The following USP34 variants were observed in gnomAD, a reference collection of about 807,000 sequenced individuals.
USP34 encodes ubiquitin carboxyl-terminal hydrolase 34.
A neutral mutation model predicts 460.3 loss-of-function variants in USP34; 70 were observed. The ratio of observed to expected loss-of-function variants is 0.15; its 90% CI spans 0.13 to 0.19. The LOEUF is 0.19. Ranked by LOEUF, USP34 falls within the 10% of genes least tolerant of loss-of-function variation. The pLI, the probability that USP34 is intolerant of heterozygous loss-of-function variation, is 1.00. For synonymous variants in USP34, 1,647 were observed against 1,405.3 expected, an observed-to-expected ratio of 1.17 and a Z score of -3.85; for missense variants, 3,985 against 4,236.2, an observed-to-expected ratio of 0.94 and a Z score of 1.65.
At chr2:61,294,269 C>G (rs1487416405) in intron 32 of USP34, among the ~76,000 whole-genome samples, 1 of 151,758 alleles carries the variant, frequency 6.6e-6, no homozygotes, top group Non-Finnish European at 1.5e-5. Context: ...TCGCGTGAAC[C>G]TGGGAGGCGG....
At chr2:61,335,471 C>T (rs1442464250) in intron 18 of USP34, among the ~76,000 whole-genome samples, 1 of 152,172 alleles carries the variant, frequency 6.6e-6, no homozygotes, top group East Asian at 1.9e-4. Flanking sequence ...GCTCAATGGC[C>T]AACGCATAAT....
In USP34 at chr2:61,188,163, A is replaced by G; in HGVS notation, c.10580T>C (p.Ile3527Thr). The G allele has an allele frequency of 3.1e-6, 5 of 1,614,078 alleles. No homozygotes were observed. The highest frequency in any genetic ancestry group is 3.4e-6 in the Non-Finnish European group (4 of 1,180,006). Residue 3527 changes from isoleucine (I) to threonine (T), a missense_variant, in exon 80 of 80, where the codon ATT becomes ACT. By Grantham distance (89) the Ile-to-Thr change is moderately conservative. This residue lies in a region of USP34 where 506 missense variants were observed against 439.0 expected (regional missense o/e 1.15). Coordinates refer to ENST00000398571, the MANE Select transcript of USP34 (RefSeq NM_014709.4). The stretch of plus-strand genomic sequence containing the variant: ...TGTGACGACATGGATTGTAGATTCA[A>G]TGGTCCTACACAGGGTATCTAAAAT... ...HDILDTLCRT[I>T]ESTIHVVTRI...
chr2:61,248,171 CT>C (rs1672149557), intron 49 of USP34, among the ~76,000 whole-genome samples: 1 of 128,488 alleles, frequency 7.8e-6, no homozygotes, highest in African/African-American at 3.0e-5. Flanking sequence ...CAAAATAAGA[CT>C]GTCTCAGAAG....
At chr2:61,402,489 A>C (rs184553124) in intron 3 of USP34, among the ~76,000 whole-genome samples, 286 of 152,336 alleles carry the variant, frequency 1.9e-3, no homozygotes, top group African/African-American at 6.6e-3. Flanking sequence ...GTAGTGCAGT[A>C]GAGTAAGACC....
intron 61 of USP34, 77 bp from the exon 62 acceptor site, chr2:61,227,295 T>C: frequency 6.7e-7 from 1 of 1,500,156 alleles, no homozygotes; most frequent in Non-Finnish European, 9.0e-7. Flanking sequence ...TTGTTTTATG[T>C]AACAGTGTAG....
At chr2:61,237,007 ATTTTGAGCTGAT>A (rs1688088685) in intron 53 of USP34, among the ~76,000 whole-genome samples, 1 of 152,126 alleles carries the variant, frequency 6.6e-6, no homozygotes, top group South Asian at 2.1e-4. Context: ...TGGTCGGTTC[ATTTTGAGCTGAT>A]TAAAGTCCCA....
intron 51 of USP34, 90 bp from the exon 52 acceptor site, chr2:61,241,909 T>C (rs1317390824): frequency 1.5e-5 from 10 of 682,092 alleles, no homozygotes; most frequent in African/African-American, 7.7e-5. Flanking sequence ...ACAGCTATTT[T>C]ATACTTAATA....
At chr2:61,246,128 T>C (rs544076541) in intron 50 of USP34, among the ~76,000 whole-genome samples, 196 bp downstream of exon 50, 2 of 152,214 alleles carry the variant, frequency 1.3e-5, no homozygotes, top group Non-Finnish European at 2.9e-5. Context: ...AAGGAAAGGA[T>C]TCAAATTCTC....
chr2:61,303,860 G>A (rs1383742855), intron 27 of USP34, among the ~76,000 whole-genome samples: 1 of 151,820 alleles, frequency 6.6e-6, no homozygotes, highest in East Asian at 1.9e-4. Context: ...CTCCCAAAGT[G>A]CTGGGATTAC....
chr2:61,394,754 C>G, intron 5 of USP34, 99 bp downstream of exon 5: 1 of 944,008 alleles, frequency 1.1e-6, no homozygotes, highest in Non-Finnish European at 1.4e-6. Flanking sequence ...ATTACACATG[C>G]AAATCATTCA....
chr2:61,199,970 C>T (rs1686922794), intron 75 of USP34: 1 of 152,372 alleles, frequency 6.6e-6, no homozygotes. Context: ...ACTACCATAA[C>T]TTTACTAAGT....
chr2:61,465,719 T>G (rs1480935679), intron 1 of USP34, among the ~76,000 whole-genome samples: 1 of 152,136 alleles, frequency 6.6e-6, no homozygotes, highest in African/African-American at 2.4e-5. Context: ...GGCTCACGCC[T>G]GTAATGCCAG....
intron 20 of USP34, among the ~76,000 whole-genome samples, chr2:61,327,800 C>CAAAG (rs1480462273): frequency 6.6e-6 from 1 of 152,108 alleles, no homozygotes; most frequent in Non-Finnish European, 1.5e-5. Flanking sequence ...GGATGTCAGA[C>CAAAG]AAAGATGGTA....
intron 62 of USP34, among the ~76,000 whole-genome samples, chr2:61,226,596 T>A (rs769991885): frequency 2.1e-4 from 32 of 152,220 alleles, no homozygotes; most frequent in Non-Finnish European, 4.1e-4. Context: ...ATACTTCCTT[T>A]TTCAGCTATA....
chr2:61,318,334 T>G (rs757813110), intron 22 of USP34, among the ~76,000 whole-genome samples: 1 of 152,192 alleles, frequency 6.6e-6, no homozygotes, highest in Non-Finnish European at 1.5e-5. Flanking sequence ...ACAACTATCA[T>G]GCATTGTATA....
intron 43 of USP34, among the ~76,000 whole-genome samples, chr2:61,263,789 A>G (rs577613989): frequency 6.6e-6 from 1 of 152,030 alleles, no homozygotes; most frequent in Non-Finnish European, 1.5e-5. Flanking sequence ...ACACGCAGCT[A>G]ATTTTTGTAT....
chr2:61,407,448 C>T (rs972334401), intron 2 of USP34, among the ~76,000 whole-genome samples: 3 of 152,172 alleles, frequency 2.0e-5, no homozygotes, highest in Non-Finnish European at 2.9e-5. Flanking sequence ...TACCAGATGA[C>T]AGCTAAGCAA....
Position 61,454,935 on chromosome 2 carries a change from G to A in USP34, c.43+15715C>T, listed in dbSNP as rs575360624. ...ACTAGTCGCCCAGACTGGATGGAGT[G>A]CAGTGGTGCCATCTTGGCTCACTGC... On this transcript the variant is annotated intron_variant, in intron 1 of 79. Coordinates refer to ENST00000398571, the MANE Select transcript of USP34 (RefSeq NM_014709.4). 4.8e-5 allele frequency among the ~76,000 whole-genome samples: 7 copies of A among 144,804 alleles called. No homozygotes were observed. The South Asian group carries it at 1.1e-3, about 22-fold the overall frequency. The allele number at this position is 144,804 out of a possible 152,430, so 95.0% of individuals were successfully genotyped here.
At chr2:61,339,849 T>G (rs1018234153) in intron 16 of USP34, among the ~76,000 whole-genome samples, 168 bp from the exon 17 acceptor site, 1 of 152,098 alleles carries the variant, frequency 6.6e-6, no homozygotes, top group Non-Finnish European at 1.5e-5. Flanking sequence ...TGTTTTTTTT[T>G]TAAATAGAGA....
Sources: gnomAD v4.1 joint callset for allele counts (sites outside exome capture counted in the v4.1 genomes callset) on GRCh38, gnomAD v4.1.1 for gene constraint, gnomAD v4.1.1 regional missense constraint, MANE v1.5 for transcripts, NCBI Gene and HGNC (gene_info 2026-07-23, HGNC 2026-07-21) for gene names.